ZCCHC2: variants seen among roughly 807,000 people sequenced by gnomAD.
The protein encoded by ZCCHC2 is zinc finger CCHC domain-containing protein 2.
ZCCHC2 carries 39 observed loss-of-function variants against 103.6 expected under a neutral mutation model. The observed-to-expected ratio is 0.38, with a 90% CI of 0.29 to 0.49. The LOEUF (loss-of-function observed/expected upper bound fraction) is 0.49, where lower values mean the gene tolerates loss of function less well. Among genes scored for constraint, ZCCHC2 ranks in the 20% least tolerant of loss-of-function variants. The pLI is 0.96. For missense variants in ZCCHC2, 1,483 were observed against 1,491.0 expected (o/e 0.99, Z 0.09); for synonymous variants, 687 against 608.9 (o/e 1.13, Z -1.89).
At chr18:62,535,343 A>G (rs1324659276) in intron 1 of ZCCHC2, among the ~76,000 whole-genome samples, 1 of 152,182 alleles carries the variant, frequency 6.6e-6, no homozygotes, top group Non-Finnish European at 1.5e-5. Flanking sequence ...TAGTGAGAGC[A>G]TGTTGGCAAA....
rs765613548 is a variant in ZCCHC2, at chr18:62,556,344, T to A, written c.1408+47T>A. The A allele has an allele frequency of 5.0e-6, 7 of 1,409,796 alleles. No individual in the cohort carries two copies. In the African/African-American group the frequency reaches 1.0e-4, roughly 20 times the overall value. 87.3% of individuals were successfully genotyped at this position (1,409,796 alleles called of 1,614,324 possible). ...GTGGAAATCTTTTTTCTTTGTTGGA[T>A]TTTATTGCTTTACTGTGTCATTTTG... On this transcript the variant is annotated intron_variant, in intron 6 of 13. Transcript: ENST00000269499.
At chr18:62,586,581 C>G (rs1917175936) in exon 15 of ZCCHC2, 1 of 151,928 alleles carries the variant, frequency 6.6e-6, no homozygotes, top group African/African-American at 2.4e-5. Context: ...CAGCATAAAC[C>G]AAGGGGCATC....
At chr18:62,528,425 T>C (rs1355691121) in intron 1 of ZCCHC2, among the ~76,000 whole-genome samples, 1 of 152,118 alleles carries the variant, frequency 6.6e-6, no homozygotes, top group Non-Finnish European at 1.5e-5. Context: ...AAACCCCATC[T>C]CTATTAAGAA....
intron 5 of ZCCHC2, among the ~76,000 whole-genome samples, chr18:62,553,162 G>A (rs1465772091): frequency 1.1e-4 from 6 of 52,688 alleles, no homozygotes; most frequent in African/African-American, 3.4e-4. Flanking sequence ...ATTTATGTGT[G>A]TGTGTGTGTG....
exon 15 of ZCCHC2, chr18:62,586,009 T>C (rs1917161544): frequency 6.6e-6 from 1 of 151,950 alleles, no homozygotes; most frequent in African/African-American, 2.4e-5. Flanking sequence ...GTGTGAGGTG[T>C]AGGCAGCCCT....
chr18:62,524,486 C>A, intron 1 of ZCCHC2, 123 bp downstream of exon 1: 1 of 1,361,086 alleles, frequency 7.3e-7, no homozygotes, highest in Non-Finnish European at 9.5e-7. Flanking sequence ...GGAATCCCCA[C>A]CCGGCAGCTC....
In ZCCHC2 at chr18:62,533,147, G is replaced by A. The variant is rs561655391; in HGVS notation, c.940-6534G>A. 3.3e-5 allele frequency among the ~76,000 whole-genome samples: 5 copies of A among 152,288 alleles called. No individual in the cohort carries two copies. The East Asian group carries it at 9.6e-4, about 29-fold the overall frequency. ...TAAGTTCCCCAAAGGCTCGGGCATT[G>A]TGCCTCATTTTTTTGTCAGTGTTGT... On this transcript the variant is annotated intron_variant, in intron 1 of 13. Coordinates refer to ENST00000269499, the MANE Select transcript of ZCCHC2 (RefSeq NM_017742.6).
chr18:62,543,434 A>G (rs1257782647), intron 3 of ZCCHC2, among the ~76,000 whole-genome samples: 1 of 152,170 alleles, frequency 6.6e-6, no homozygotes, highest in African/African-American at 2.4e-5. Flanking sequence ...TCCAAACTCC[A>G]GCTTTGCTTT....
At chr18:62,535,990 C>T (rs1203551904) in intron 1 of ZCCHC2, among the ~76,000 whole-genome samples, 6 of 152,140 alleles carry the variant, frequency 3.9e-5, no homozygotes, top group Non-Finnish European at 5.9e-5. Flanking sequence ...TAGTCTATAT[C>T]GAGGGACTAC....
intron 10 of ZCCHC2, 104 bp from the exon 11 acceptor site, chr18:62,564,898 T>G: frequency 2.4e-6 from 2 of 846,886 alleles, no homozygotes; most frequent in Middle Eastern, 3.1e-4. Context: ...TATTCCTTAC[T>G]AAAAAAATTT....
chr18:62,534,815 G>A (rs945326967), intron 1 of ZCCHC2, among the ~76,000 whole-genome samples: 4 of 152,194 alleles, frequency 2.6e-5, no homozygotes, highest in Admixed American at 1.3e-4. Flanking sequence ...AGAGGTTGTG[G>A]CATTGAGTAT....
At chr18:62,578,790 G>A (rs891489718), downstream of ZCCHC2, among the ~76,000 whole-genome samples, 6 of 152,082 alleles carry the variant, frequency 3.9e-5, no homozygotes, top group African/African-American at 9.7e-5. Context: ...TTTTTGAGAC[G>A]GGGTCTTGCT....
intron 1 of ZCCHC2, chr18:62,524,663 C>T (rs952880502): frequency 4.8e-6 from 2 of 414,124 alleles, no homozygotes; most frequent in African/African-American, 4.2e-5. Flanking sequence ...GCCCGGGGCC[C>T]CTCTCGGAGG....
chr18:62,573,971 C>A, intron 12 of ZCCHC2, 86 bp from the exon 13 acceptor site: 1 of 1,362,012 alleles, frequency 7.3e-7, no homozygotes, highest in Non-Finnish European at 9.9e-7. Context: ...ACTTGAGTTA[C>A]TTTGAGGTAT....
rs941573155 is a variant in ZCCHC2 at position 62,524,180 on chromosome 18, C to T, written c.756C>T (p.Gly252=). 1.8e-5 allele frequency: 28 copies of T among 1,548,220 alleles called. No homozygotes were observed. The highest frequency in any genetic ancestry group is 4.1e-5 in the African/African-American group (3 of 72,678). ...AGCCCCGGGTCGGCGGCGGGCTTGG[C>T]TCCAGGGCCCAGGAGGAACTGCTGC... ...IVEPRVGGGL[G]SRAQEELLLL... The change falls in exon 1 of 14, where the codon GGC becomes GGT. Residue 252 remains glycine (G), a synonymous_variant. Coordinates refer to ENST00000269499, the MANE Select transcript of ZCCHC2 (RefSeq NM_017742.6).
intron 12 of ZCCHC2, among the ~76,000 whole-genome samples, chr18:62,572,867 T>C (rs911930514): frequency 3.9e-5 from 6 of 152,238 alleles, no homozygotes; most frequent in Non-Finnish European, 8.8e-5. Context: ...CTTCAATAAG[T>C]TTGGATTTTG....
intron 7 of ZCCHC2, 66 bp downstream of exon 7, chr18:62,558,836 G>A (rs1475250196): frequency 4.6e-6 from 5 of 1,096,744 alleles, no homozygotes; most frequent in Non-Finnish European, 6.5e-6. Flanking sequence ...AACATTTAAG[G>A]AGTGAAGAAA....
rs772319394 is a variant in ZCCHC2 at position 62,574,217 on chromosome 18, G to T, written c.2136G>T (p.Lys712Asn). The T allele has an allele frequency of 3.7e-6, 6 of 1,613,890 alleles. No individual in the cohort carries two copies. The African/African-American group carries it at 8.0e-5, about 22-fold the overall frequency. The part of the protein sequence containing the change: ...NLLEDPLNSP[K>N]YQHISFMPTL... ...TAGAAGATCCCTTAAACTCACCCAA[G>T]TATCAGCATATTTCTTTTATGCCAA... The change falls in exon 13 of 14, where the codon AAG becomes AAT. Residue 712 changes from lysine to asparagine, a missense_variant. By Grantham distance (94) the Lys-to-Asn change is moderately conservative (BLOSUM62 0). Around this residue, in one of 3 missense-constraint regions of ZCCHC2, gnomAD observed 884 missense variants for 907.5 expected, o/e 0.97. Coordinates refer to ENST00000269499, the MANE Select transcript of ZCCHC2 (RefSeq NM_017742.6).
intron 4 of ZCCHC2, among the ~76,000 whole-genome samples, chr18:62,548,947 T>C (rs576714192): frequency 1.1e-4 from 16 of 143,574 alleles, no homozygotes; most frequent in South Asian, 4.4e-4. Flanking sequence ...AGGCCAGGCG[T>C]GGTGGCTCAC....
Sources: allele counts gnomAD v4.1 joint callset (sites outside exome capture counted in the v4.1 genomes callset), GRCh38; gene constraint gnomAD v4.1.1; regional missense constraint gnomAD v4.1.1; transcripts MANE v1.5; gene names NCBI Gene and HGNC (gene_info 2026-07-23, HGNC 2026-07-21).